Variants in SPATA7 observed in about 807,000 individuals in gnomAD.
The protein encoded by SPATA7 is spermatogenesis associated 7.
In SPATA7, 43 loss-of-function variants were observed where a neutral mutation model predicts 51.8. The ratio of observed to expected loss-of-function variants is 0.83; its 90% confidence interval spans 0.65 to 1.07. The LOEUF (loss-of-function observed/expected upper bound fraction) is 1.07. Among genes scored for constraint, SPATA7 ranks in the 50% least tolerant of loss-of-function variants. The probability of loss-of-function intolerance (pLI) is 0.00; values close to 1 mark genes in which losing one functional copy is unlikely to be tolerated. For missense variants in SPATA7, 683 were observed against 701.3 expected (o/e 0.97, Z 0.30); for synonymous variants, 230 against 252.8 (o/e 0.91, Z 0.86).
intron 2 of SPATA7, among the ~76,000 whole-genome samples, chr14:88,392,546 C>T (rs1033796002): frequency 3.9e-5 from 6 of 152,000 alleles, no homozygotes; most frequent in Non-Finnish European, 7.4e-5. Flanking sequence ...GCATCAAGCT[C>T]GTAATTATTG....
At chr14:88,427,034 G>A (rs1172606376) in intron 6 of SPATA7, among the ~76,000 whole-genome samples, 1 of 152,202 alleles carries the variant, frequency 6.6e-6, no homozygotes. Flanking sequence ...GTGGAAATAT[G>A]CATATTGATT....
At chr14:88,457,971 T>G (rs936047253), downstream of SPATA7, among the ~76,000 whole-genome samples, 1 of 152,070 alleles carries the variant, frequency 6.6e-6, no homozygotes, top group African/African-American at 2.4e-5. Context: ...CTTTTCTGCA[T>G]CTATTGAGAT....
chr14:88,452,538 C>T (rs1444655290), intron 3 of SPATA7, among the ~76,000 whole-genome samples: 1 of 152,178 alleles, frequency 6.6e-6, no homozygotes, highest in African/African-American at 2.4e-5. Context: ...CCCGCAGAGC[C>T]TACAGCAGCA....
rs1043312255 is a variant in SPATA7, at chr14:88,391,301, A to T, written c.20-80A>T. On this transcript the variant is annotated intron_variant, in intron 1 of 11. Coordinates refer to ENST00000393545, the MANE Select transcript of SPATA7 (RefSeq NM_018418.5). ...TTATTTTGTGATAAATTTATTATTT[A>T]AAAAATATTGAATATTGTTGTTTTT... is the stretch of plus-strand genomic sequence containing the variant. 6 of 1,156,192 alleles carry T rather than the reference A, an allele frequency of 5.2e-6. No individual in the cohort carries two copies. The Admixed American group carries it at 6.2e-5, about 12-fold the overall frequency. The allele number at this position is 1,156,192 out of a possible 1,614,324, so 71.6% of individuals were successfully genotyped here. A position where few individuals can be genotyped will look rare whatever the true frequency, so the allele number is the denominator to read the frequency against.
rs142863896 is a variant in SPATA7, at chr14:88,388,663, A to G, written c.20-2718A>G. On this transcript the variant is annotated intron_variant, in intron 1 of 11. Coordinates refer to ENST00000393545, the MANE Select transcript of SPATA7 (RefSeq NM_018418.5). Reference sequence around the variant, plus strand: ...TCTCAGCATTTTAGGAGGCTGAGGCAGGAGCATCACTTGAGGTCAGTGGTT... The same window carrying G: ...TCTCAGCATTTTAGGAGGCTGAGGCGGGAGCATCACTTGAGGTCAGTGGTT... Among the ~76,000 whole-genome samples the G allele has an allele frequency of 3.9e-5, 6 of 152,334 alleles. No individual in the cohort carries two copies. The East Asian group carries it at 1.2e-3, about 29-fold the overall frequency.
chr14:88,412,021 C>CA (rs143872379), intron 4 of SPATA7, among the ~76,000 whole-genome samples: 7,662 of 152,182 alleles, frequency 0.05, 605 homozygotes, highest in African/African-American at 0.17. Context: ...GCAACCTTGC[C>CA]ACATCTACTA....
chr14:88,412,194 T>C (rs1169541214), intron 4 of SPATA7, among the ~76,000 whole-genome samples: 1 of 152,044 alleles, frequency 6.6e-6, no homozygotes, highest in Non-Finnish European at 1.5e-5. Flanking sequence ...TTCTCACTTT[T>C]TAATGGGGTT....
chr14:88,421,793 AC>A (rs1386450482), intron 5 of SPATA7, among the ~76,000 whole-genome samples: 8 of 152,182 alleles, frequency 5.3e-5, no homozygotes, highest in African/African-American at 1.7e-4. Flanking sequence ...TGCTAAAAAT[AC>A]AAAAATTAGC....
Position 88,438,272 on chromosome 14 carries a change from T to C in SPATA7, c.1650T>C (p.Val550=). Residue 550 remains valine (V), a synonymous_variant, in exon 12 of 12, where the codon GTT becomes GTC. Coordinates refer to ENST00000393545, the MANE Select transcript of SPATA7 (RefSeq NM_018418.5). ...AAGGTGATAGTGACCCTGAAAAGGTTGAGATTTCAAATGGATTATGTGGTC... is the reference window on the plus strand; with the variant it reads ...AAGGTGATAGTGACCCTGAAAAGGTCGAGATTTCAAATGGATTATGTGGTC... The part of the protein sequence containing the change: ...VIEGDSDPEK[V]EISNGLCGLN... 1 of 1,613,986 alleles carries C rather than the reference T, an allele frequency of 6.2e-7. No individual in the cohort carries two copies. Among genetic ancestry groups the C allele is most frequent in the Non-Finnish European group, 8.5e-7 (1 of 1,179,886 alleles).
intron 3 of SPATA7, among the ~76,000 whole-genome samples, chr14:88,395,551 A>G (rs2075857396): frequency 6.6e-6 from 1 of 152,114 alleles, no homozygotes; most frequent in African/African-American, 2.4e-5. Context: ...CCTTACATTT[A>G]AATTTGCGAT....
chr14:88,447,037 C>G (rs1050398382), intron 3 of SPATA7, among the ~76,000 whole-genome samples: 4 of 151,898 alleles, frequency 2.6e-5, no homozygotes, highest in African/African-American at 9.7e-5. Flanking sequence ...CCTGGGTATC[C>G]TTGTTGACTT....
In SPATA7 at chr14:88,426,381, G is replaced by T; in HGVS notation, c.522G>T (p.Lys174Asn). Reference sequence around the variant, plus strand: ...AAGTCATCACAAATGGTCCTGAGAAGAACTCCAGTTCCTCCCCGTCCAGTG... The same window carrying T: ...AAGTCATCACAAATGGTCCTGAGAATAACTCCAGTTCCTCCCCGTCCAGTG... ...SSKVITNGPE[K>N]NSSSSPSSVD... The change falls in exon 6 of 12, where the codon AAG becomes AAT. Residue 174 changes from lysine (K) to asparagine (N), a missense_variant. Coordinates refer to ENST00000393545, the MANE Select transcript of SPATA7 (RefSeq NM_018418.5). 1.2e-6 allele frequency: 2 copies of T among 1,614,180 alleles called. No homozygotes were observed. Among genetic ancestry groups the T allele is most frequent in the Non-Finnish European group, 1.7e-6 (2 of 1,180,018 alleles).
chr14:88,452,525 T>A (rs1446442802), intron 3 of SPATA7, among the ~76,000 whole-genome samples: 1 of 152,192 alleles, frequency 6.6e-6, no homozygotes, highest in Non-Finnish European at 1.5e-5. Context: ...GTTCTTCTGC[T>A]GTCCCGCAGA....
At chr14:88,445,888 C>T (rs1271917310) in intron 3 of SPATA7, among the ~76,000 whole-genome samples, 2 of 152,034 alleles carry the variant, frequency 1.3e-5, no homozygotes, top group Non-Finnish European at 2.9e-5. Context: ...TTCGGTTTGC[C>T]AGTATTTTAT....
rs1324878232 is a variant in SPATA7, at chr14:88,426,615, C to G, written c.756C>G (p.Phe252Leu). 1 of 1,614,086 alleles carries G rather than the reference C, an allele frequency of 6.2e-7. No homozygotes were observed. The highest frequency in any genetic ancestry group is 1.7e-5 in the Admixed American group (1 of 60,002). ...PRTLKTEAKS[F>L]LSQYRYYTPA... The stretch of plus-strand genomic sequence containing the variant: ...CTTTAAAAACAGAAGCAAAATCTTT[C>G]CTGTCACAGTATCGCTATTATACAC... Residue 252 changes from phenylalanine to leucine, a missense_variant, in exon 6 of 12, where the codon TTC becomes TTG. Coordinates refer to ENST00000393545, the MANE Select transcript of SPATA7 (RefSeq NM_018418.5).
intron 4 of SPATA7, 198 bp from the exon 5 acceptor site, chr14:88,416,513 G>T: frequency 1.0e-5 from 4 of 399,148 alleles, no homozygotes; most frequent in East Asian, 4.7e-5. Context: ...AAATGTGTTA[G>T]TTAATATCTA....
intron 10 of SPATA7, among the ~76,000 whole-genome samples, chr14:88,435,908 C>T (rs938171956): frequency 3.3e-5 from 5 of 152,006 alleles, no homozygotes; most frequent in Admixed American, 1.3e-4. Flanking sequence ...GGTATCTCTT[C>T]GATATCCTGA....
At position 88,424,277 on chromosome 14, in the gene SPATA7, G is replaced by A. The variant is rs145589137; in HGVS notation, c.373-1955G>A. Reference sequence around the variant, plus strand: ...AGCTAAAGGAAACAAGATGCAGATTGGTACAGTGGATTTTATACTGTAGTC... The same window carrying A: ...AGCTAAAGGAAACAAGATGCAGATTAGTACAGTGGATTTTATACTGTAGTC... On this transcript the variant is annotated intron_variant, in intron 5 of 11. Transcript: ENST00000393545. 7.5e-3 allele frequency among the ~76,000 whole-genome samples: 1,145 copies of A among 152,228 alleles called. 14 individuals are homozygous for A. Among genetic ancestry groups the A allele is most frequent in the African/African-American group, 0.026 (1,093 of 41,544 alleles).
chr14:88,433,275 C>A, intron 10 of SPATA7, 63 bp downstream of exon 10: 2 of 1,138,308 alleles, frequency 1.8e-6, no homozygotes, highest in Non-Finnish European at 2.6e-6. Context: ...CATATTTCTT[C>A]ATATGATGTT....
Sources: gnomAD v4.1 joint callset for allele counts (sites outside exome capture counted in the v4.1 genomes callset) on GRCh38, gnomAD v4.1.1 for gene constraint, MANE v1.5 for transcripts, NCBI Gene and HGNC (gene_info 2026-07-23, HGNC 2026-07-21) for gene names.